Variants in AEN observed in about 807,000 individuals in gnomAD.
AEN encodes apoptosis-enhancing nuclease.
Under a neutral mutation model 17.7 loss-of-function variants are expected in AEN, and 21 were observed. The ratio of observed to expected loss-of-function variants is 1.19; its 90% CI spans 0.84 to 1.71. AEN has a LOEUF of 1.71. Ranked by LOEUF, AEN falls within the 40% of genes most tolerant of loss-of-function variation. AEN has a pLI of 0.00. For synonymous variants in AEN, 190 were observed against 173.0 expected, an observed-to-expected ratio of 1.10 and a Z score of -0.77; for missense variants, 462 against 435.9, an observed-to-expected ratio of 1.06 and a Z score of -0.53.
At chr15:88,612,546 T>C in the AEN span, among the ~76,000 whole-genome samples, 1 of 152,076 alleles carries the variant, frequency 6.6e-6, no homozygotes, top group Non-Finnish European at 1.5e-5. Flanking sequence ...TTAGAATTAG[T>C]GATCAGAAAA....
intron 2 of AEN, chr15:88,628,848 G>C (rs922794611): frequency 3.3e-5 from 7 of 211,096 alleles, no homozygotes; most frequent in Non-Finnish European, 6.8e-5. Flanking sequence ...AGAGTTGGGT[G>C]GAGTGGGAGG....
At chr15:88,616,703 A>G (rs2057741316), upstream of AEN, among the ~76,000 whole-genome samples, 1 of 152,230 alleles carries the variant, frequency 6.6e-6, no homozygotes, top group Admixed American at 6.5e-5. Context: ...CAACTTTACA[A>G]TAGTGCAAAA....
Position 88,626,342 on chromosome 15 carries a change from G to A in AEN, c.133G>A (p.Ala45Thr), listed in dbSNP as rs202093467. ...GCACCAGCGGTTCATGGCCCGGAAG[G>A]CCTTGCTGCAGGAGCAGGGGCTGCT... Reference protein sequence around the residue: ...RQHQRFMARKALLQEQGLLSM... With the variant: ...RQHQRFMARKTLLQEQGLLSM... Residue 45 changes from alanine (A) to threonine (T), a missense_variant, in exon 2 of 4, where the codon GCC becomes ACC. Physicochemically the swap from Ala to Thr is moderately conservative, Grantham distance 58 (BLOSUM62 0). Coordinates refer to ENST00000332810, the MANE Select transcript of AEN (RefSeq NM_022767.4). 1 of 1,613,432 alleles carries A rather than the reference G, an allele frequency of 6.2e-7. No homozygotes were observed. The highest frequency in any genetic ancestry group is 2.2e-5 in the East Asian group (1 of 44,856).
the AEN span, among the ~76,000 whole-genome samples, chr15:88,615,503 C>T: frequency 6.6e-6 from 1 of 152,290 alleles, no homozygotes; most frequent in Non-Finnish European, 1.5e-5. Context: ...AAACAAGTAC[C>T]TTATTCACAT....
At chr15:88,621,046 C>G (rs2057779437), upstream of AEN, among the ~76,000 whole-genome samples, 1 of 152,212 alleles carries the variant, frequency 6.6e-6, no homozygotes, top group Admixed American at 6.5e-5. Flanking sequence ...AGCCCACATC[C>G]CGACCCAGGT....
chr15:88,607,317 C>G, the AEN span, among the ~76,000 whole-genome samples: 1,472 of 152,312 alleles, frequency 9.7e-3, 28 homozygotes, highest in South Asian at 0.043. Flanking sequence ...TTTTCTGTTT[C>G]CCTTGATTGA....
At chr15:88,629,562 C>A in intron 3 of AEN, 136 bp downstream of exon 3, 1 of 1,030,654 alleles carries the variant, frequency 9.7e-7, no homozygotes, top group Non-Finnish European at 1.4e-6. Flanking sequence ...AGGGACCTTG[C>A]TTAAATGGGT....
chr15:88,629,159 AG>A (rs2141375080), intron 2 of AEN, 66 bp from the exon 3 acceptor site: 1 of 1,521,586 alleles, frequency 6.6e-7, no homozygotes, highest in South Asian at 1.1e-5. Flanking sequence ...AGGGGTTCTC[AG>A]GGCGTGTCTC....
chr15:88,625,949 A>G (rs2057845516), intron 1 of AEN, among the ~76,000 whole-genome samples, 197 bp from the exon 2 acceptor site: 1 of 152,216 alleles, frequency 6.6e-6, no homozygotes, highest in African/African-American at 2.4e-5. Flanking sequence ...TAGTATTTAC[A>G]ACAGTGATTC....
the AEN span, among the ~76,000 whole-genome samples, chr15:88,615,868 G>C: frequency 6.6e-6 from 1 of 152,254 alleles, no homozygotes; most frequent in East Asian, 1.9e-4. Context: ...AAAGTCCTCA[G>C]AATGAGTACA....
intron 1 of AEN, among the ~76,000 whole-genome samples, chr15:88,625,664 C>T (rs1039450065): frequency 1.3e-5 from 2 of 152,130 alleles, no homozygotes; most frequent in Non-Finnish European, 2.9e-5. Flanking sequence ...TTAAAAAAGG[C>T]TATACAGTTT....
chr15:88,608,031 T>TA, the AEN span: 7 of 475,500 alleles, frequency 1.5e-5, no homozygotes, highest in Non-Finnish European at 3.1e-5. Context: ...TGGTTTTTTT[T>TA]AATTATTATT....
At chr15:88,625,169 C>T (rs1268172206) in intron 1 of AEN, among the ~76,000 whole-genome samples, 2 of 152,186 alleles carry the variant, frequency 1.3e-5, no homozygotes, top group African/African-American at 4.8e-5. Flanking sequence ...CAGATCAGGA[C>T]TTTTAAATGT....
chr15:88,630,447 C>T lies in AEN; in HGVS notation c.*153C>T. ...GAGTAGGGGTCATCTGTTACCTTGA[C>T]ACCCTCTGCACACAGCATAGCCCTC... On this transcript the variant is annotated 3_prime_UTR_variant, in exon 4 of 4. Coordinates refer to ENST00000332810, the MANE Select transcript of AEN (RefSeq NM_022767.4). This position sits in a 1 kb window ranked among gnomAD's most constrained non-coding sequence, Gnocchi z 5.1. The T allele has an allele frequency of 3.0e-6, 2 of 656,752 alleles. No homozygotes were observed. Among genetic ancestry groups the T allele is most frequent in the East Asian group, 2.7e-5 (1 of 36,602 alleles). 40.7% of individuals were successfully genotyped at this position (656,752 alleles called of 1,614,324 possible). A position where few individuals can be genotyped will look rare whatever the true frequency, so the allele number is the denominator to read the frequency against.
chr15:88,618,374 G>A (rs1006235960), upstream of AEN, among the ~76,000 whole-genome samples: 3 of 152,010 alleles, frequency 2.0e-5, no homozygotes, highest in Non-Finnish European at 1.5e-5. Flanking sequence ...ATTTGAACTT[G>A]TTAACTCTAA....
intron 2 of AEN, 199 bp downstream of exon 2, chr15:88,626,948 T>TTTTTTTAATGATAC: frequency 1.6e-6 from 1 of 619,302 alleles, no homozygotes; most frequent in South Asian, 2.0e-5. Context: ...TAAGGATTGC[T>TTTTTTTAATGATAC]GGCCTGTTGC....
upstream of AEN, among the ~76,000 whole-genome samples, chr15:88,619,852 G>C (rs551449007): frequency 9.2e-5 from 14 of 152,124 alleles, no homozygotes; most frequent in Admixed American, 2.6e-4. Flanking sequence ...TGCTACTTAG[G>C]TGGGGAGCTC....
At chr15:88,615,396 T>C in the AEN span, among the ~76,000 whole-genome samples, 2 of 151,962 alleles carry the variant, frequency 1.3e-5, no homozygotes, top group African/African-American at 4.8e-5. Context: ...GGTACAAAGG[T>C]ACCTTAATTG....
At chr15:88,618,481 C>T (rs1411902474), upstream of AEN, among the ~76,000 whole-genome samples, 1 of 152,160 alleles carries the variant, frequency 6.6e-6, no homozygotes, top group East Asian at 1.9e-4. Flanking sequence ...GATTAAAATA[C>T]ATGCATAGCA....
Sources: allele counts gnomAD v4.1 joint callset (sites outside exome capture counted in the v4.1 genomes callset), GRCh38; gene constraint gnomAD v4.1.1; non-coding constraint Gnocchi (gnomAD v3.1); transcripts MANE v1.5; gene names NCBI Gene and HGNC (gene_info 2026-07-23, HGNC 2026-07-21).